TANC2: variants seen among roughly 807,000 people sequenced by gnomAD.
The protein encoded by TANC2 is tetratricopeptide repeat, ankyrin repeat and coiled-coil containing 2.
In TANC2, 26 loss-of-function variants were observed where a neutral mutation model predicts 210.5. The observed-to-expected ratio is 0.12, with a 90% CI of 0.09 to 0.17. The LOEUF (loss-of-function observed/expected upper bound fraction) is 0.17. Ranked by LOEUF, TANC2 falls within the 10% of genes least tolerant of loss-of-function variation. The pLI, the probability that TANC2 is intolerant of heterozygous loss-of-function variation, is 1.00. For missense variants in TANC2, 2,129 were observed against 2,608.9 expected (o/e 0.82, Z 4.01); for synonymous variants, 931 against 967.1 (o/e 0.96, Z 0.69).
At position 62,966,501 on chromosome 17, in the gene TANC2, C is replaced by A. The variant is rs1232914382; in HGVS notation, c.-272C>A. 6.7e-6 allele frequency among the ~76,000 whole-genome samples: 1 copy of A among 149,058 alleles called. No individual in the cohort carries two copies. Among genetic ancestry groups the A allele is most frequent in the Non-Finnish European group, 1.5e-5 (1 of 66,776 alleles). ...CTAGGCGGAGCGAGGCGCCCGCCGC[C>A]GCCGAGCCGAGCCGAGGGGCGAGAG... On this transcript the variant is annotated 5_prime_UTR_variant, in exon 1 of 28. Coordinates refer to ENST00000689528, the Ensembl canonical transcript of TANC2. The surrounding 1 kb of genome is among the most constrained non-coding windows in gnomAD (Gnocchi z 5.1).
At chr17:63,120,329 T>A (rs545623753) in intron 4 of TANC2, among the ~76,000 whole-genome samples, 1 of 152,180 alleles carries the variant, frequency 6.6e-6, no homozygotes, top group African/African-American at 2.4e-5. Context: ...TTATGCTGAT[T>A]TGGTGAATCT....
intron 11 of TANC2, among the ~76,000 whole-genome samples, chr17:63,337,291 ATT>A (rs2046064032): frequency 6.6e-6 from 1 of 152,054 alleles, no homozygotes; most frequent in South Asian, 2.1e-4. Flanking sequence ...TATTTTTAAT[ATT>A]CTTAGTTAAA....
At chr17:63,270,330 T>C (rs2043661130) in intron 9 of TANC2, among the ~76,000 whole-genome samples, 1 of 152,194 alleles carries the variant, frequency 6.6e-6, no homozygotes, top group South Asian at 2.1e-4. Flanking sequence ...TCCTTATGTT[T>C]CTTCAGACCT....
intron 1 of TANC2, chr17:62,967,351 G>C (rs1362262428): frequency 6.6e-6 from 1 of 152,148 alleles, no homozygotes; most frequent in Admixed American, 6.5e-5. Context: ...ATTGTGTCTG[G>C]CTGTGAGATT....
chr17:63,041,289 G>GT (rs1292935911), intron 2 of TANC2, among the ~76,000 whole-genome samples: 2 of 152,164 alleles, frequency 1.3e-5, no homozygotes, highest in African/African-American at 4.8e-5. Flanking sequence ...TTTAGTGACA[G>GT]TAACTAACTA....
rs1396520942 is a variant in TANC2 at position 63,099,393 on chromosome 17, G to A, written c.322+36G>A. The A allele has an allele frequency of 4.2e-6, 6 of 1,417,928 alleles. No individual in the cohort carries two copies. The Admixed American group carries it at 1.2e-4, about 28-fold the overall frequency. The allele number at this position is 1,417,928 out of a possible 1,614,324, so 87.8% of individuals were successfully genotyped here. A position where few individuals can be genotyped will look rare whatever the true frequency, so the allele number is the denominator to read the frequency against. On this transcript the variant is annotated intron_variant, in intron 4 of 27. Coordinates refer to ENST00000689528, the Ensembl canonical transcript of TANC2. Reference sequence around the variant, plus strand: ...TACCTAAATTTAGTATGTTTAACAGGAAACCTAACGATATGACACTTTAGG... The same window carrying A: ...TACCTAAATTTAGTATGTTTAACAGAAAACCTAACGATATGACACTTTAGG...
chr17:63,419,694 G>C (rs2048965203), intron 27 of TANC2, among the ~76,000 whole-genome samples: 1 of 152,134 alleles, frequency 6.6e-6, no homozygotes. Context: ...ATACTGCCTG[G>C]TGTGTGTTTG....
At chr17:63,406,201 C>A (rs1211931490) in exon 21 of TANC2, 1 of 1,613,974 alleles carries the variant, frequency 6.2e-7, no homozygotes, top group South Asian at 1.1e-5. Flanking sequence ...ACATGGCAGA[C>A]AAGCAGGGCC....
chr17:63,350,245 T>C (rs1322934586), intron 12 of TANC2, among the ~76,000 whole-genome samples: 1 of 152,200 alleles, frequency 6.6e-6, no homozygotes, highest in Non-Finnish European at 1.5e-5. Context: ...TTCTTCTTTT[T>C]CCTCCTCAGA....
At chr17:63,159,192 A>G (rs907174850) in intron 5 of TANC2, among the ~76,000 whole-genome samples, 3 of 152,182 alleles carry the variant, frequency 2.0e-5, no homozygotes, top group African/African-American at 7.2e-5. Context: ...AAGACACTCA[A>G]GTGGAGGGAA....
At chr17:63,077,546 A>G (rs1282290550) in intron 3 of TANC2, among the ~76,000 whole-genome samples, 1 of 152,228 alleles carries the variant, frequency 6.6e-6, no homozygotes, top group African/African-American at 2.4e-5. Flanking sequence ...TGAGATTGGT[A>G]GAAACCTGAT....
chr17:63,254,287 GT>G (rs1456209891), intron 8 of TANC2, among the ~76,000 whole-genome samples: 4 of 152,040 alleles, frequency 2.6e-5, no homozygotes, highest in Non-Finnish European at 5.9e-5. Flanking sequence ...CTTGGTGGCT[GT>G]TGGCACATAG....
chr17:63,015,311 A>G (rs2034056165), intron 2 of TANC2, among the ~76,000 whole-genome samples: 1 of 151,988 alleles, frequency 6.6e-6, no homozygotes, highest in African/African-American at 2.4e-5. Flanking sequence ...TATTAAAATA[A>G]GATATTTATT....
chr17:63,049,932 G>C (rs567949502), intron 2 of TANC2, among the ~76,000 whole-genome samples: 2 of 152,076 alleles, frequency 1.3e-5, no homozygotes, highest in African/African-American at 2.4e-5. Flanking sequence ...ATGACTCCAC[G>C]GTTTTTGGCT....
chr17:63,007,490 A>G (rs1327185285), intron 1 of TANC2, among the ~76,000 whole-genome samples: 2 of 152,102 alleles, frequency 1.3e-5, no homozygotes, highest in Admixed American at 6.5e-5. Flanking sequence ...AAACCTTACT[A>G]TTTGTCTTAC....
At chr17:63,391,600 A>T (rs577083116) in intron 17 of TANC2, 12 of 152,182 alleles carry the variant, frequency 7.9e-5, no homozygotes, top group African/African-American at 2.9e-4. Flanking sequence ...AAAATAACCC[A>T]ACCTCCCTAC....
chr17:63,189,987 A>G (rs989967515), intron 5 of TANC2, among the ~76,000 whole-genome samples: 4 of 152,210 alleles, frequency 2.6e-5, no homozygotes, highest in African/African-American at 9.6e-5. Flanking sequence ...TTGTCCCAAC[A>G]CCGTTGAAGA....
intron 5 of TANC2, among the ~76,000 whole-genome samples, chr17:63,172,145 A>T (rs2040424069): frequency 6.6e-6 from 1 of 151,482 alleles, no homozygotes; most frequent in South Asian, 2.1e-4. Flanking sequence ...AAAGAATTAA[A>T]CTACAGCTGA....
intron 7 of TANC2, among the ~76,000 whole-genome samples, chr17:63,205,344 C>CAAAAAAAAAAAAAAAAAA (rs1158768609): frequency 2.5e-4 from 2 of 8,066 alleles, no homozygotes; most frequent in Non-Finnish European, 4.8e-4. Flanking sequence ...ACCAAGGAGG[C>CAAAAAAAAAAAAAAAAAA]AAAAAAAAAA....
Sources: allele counts gnomAD v4.1 joint callset (sites outside exome capture counted in the v4.1 genomes callset), GRCh38; gene constraint gnomAD v4.1.1; non-coding constraint Gnocchi (gnomAD v3.1); transcripts MANE v1.5; gene names NCBI Gene and HGNC (gene_info 2026-07-23, HGNC 2026-07-21).